Variants in TAF1C observed in about 807,000 individuals in gnomAD.
TAF1C encodes the protein TATA-box binding protein associated factor, RNA polymerase I subunit C.
A neutral mutation model predicts 70.5 loss-of-function variants in TAF1C; 79 were observed. The observed-to-expected ratio is 1.12, with a 90% confidence interval of 0.93 to 1.35. TAF1C has a LOEUF of 1.35. Among genes scored for constraint, TAF1C ranks in the 40% most tolerant of loss-of-function variants. The probability of loss-of-function intolerance (pLI) is 0.00; values close to 1 mark genes in which losing one functional copy is unlikely to be tolerated. For missense variants in TAF1C, 1,412 were observed against 1,127.8 expected, an observed-to-expected ratio of 1.25 and a Z score of -3.61; for synonymous variants, 614 against 491.1, an observed-to-expected ratio of 1.25 and a Z score of -3.31.
Position 84,183,447 on chromosome 16 carries a change from C to T in TAF1C, c.281G>A (p.Arg94Gln), listed in dbSNP as rs547319758. The T allele has an allele frequency of 2.7e-5, 44 of 1,612,282 alleles. No individual in the cohort carries two copies. In the Admixed American group the frequency reaches 4.3e-4, roughly 16 times the overall value. Reference protein sequence around the residue: ...DLLFRGGCRYRKRPRVVLDVT... With the variant: ...DLLFRGGCRYQKRPRVVLDVT... Reference sequence around the variant, plus strand: ...ATCCAGCACGACTCGGGGCCGCTTCCGATACCGGCACCCTCCGCGGAAAAG... The same window carrying T: ...ATCCAGCACGACTCGGGGCCGCTTCTGATACCGGCACCCTCCGCGGAAAAG... The change falls in exon 4 of 15, where the codon CGG (arginine) becomes CAG (glutamine). Residue 94 changes from arginine (R) to glutamine (Q), a missense_variant. Coordinates refer to ENST00000566732, the MANE Select transcript of TAF1C (RefSeq NM_001243156.2).
Position 84,179,635 on chromosome 16 carries a change from C to T in TAF1C, c.1838G>A (p.Trp613Ter), listed in dbSNP as rs775287941. 7 of 1,612,524 alleles carry T rather than the reference C, an allele frequency of 4.3e-6. No individual in the cohort carries two copies. The highest frequency in any genetic ancestry group is 5.9e-6 in the Non-Finnish European group (7 of 1,179,878). The change falls in exon 15 of 15, where the codon TGG becomes TAG. Residue 613 changes from tryptophan (W) to a stop codon, truncating the protein, a stop_gained. Coordinates refer to ENST00000566732, the MANE Select transcript of TAF1C (RefSeq NM_001243156.2). LOFTEE classifies it low-confidence loss of function (END_TRUNC). ...TSQDTAGCSQ[W>*]LKALLKVPLA... The stretch of plus-strand genomic sequence containing the variant: ...GGGCACTTTTAGCAGGGCCTTCAGC[C>T]ACTGGCTGCAGCCGGCAGTGTCCTG...
At chr16:84,186,840 C>T (rs554984535) in intron 1 of TAF1C, 61 bp downstream of exon 1, 1 of 152,280 alleles carries the variant, frequency 6.6e-6, no homozygotes, top group Admixed American at 6.5e-5. Flanking sequence ...CCTCCTACAT[C>T]TGCGGGTCCG....
At chr16:84,185,145 G>T in intron 1 of TAF1C, 85 bp from the exon 2 acceptor site, 2 of 876,114 alleles carry the variant, frequency 2.3e-6, no homozygotes, top group Non-Finnish European at 3.4e-6. Flanking sequence ...CCAAGGCCAA[G>T]CAGTAGTGAG....
chr16:84,178,828 C>T lies in TAF1C; in HGVS notation c.*113G>A. ...ATTGCTTGGCTCATCATCACAGTGG[C>T]CTCCAGAAGGTGGCGAGCTCTGCTT... is the stretch of plus-strand genomic sequence containing the variant. On this transcript the variant is annotated 3_prime_UTR_variant, in exon 15 of 15. Coordinates refer to ENST00000566732, the MANE Select transcript of TAF1C (RefSeq NM_001243156.2). The T allele has an allele frequency of 8.3e-7, 1 of 1,208,320 alleles. No homozygotes were observed. The allele number at this position is 1,208,320 out of a possible 1,614,324, so 74.8% of individuals were successfully genotyped here. A position where few individuals can be genotyped will look rare whatever the true frequency, so the allele number is the denominator to read the frequency against.
At position 84,179,935 on chromosome 16, in the gene TAF1C, A is replaced by AC. The variant is rs3217259; in HGVS notation, c.1621+10dup. 568,152 of 1,611,178 alleles carry AC rather than the reference A, an allele frequency of 0.35. 103,368 individuals are homozygous for AC. Among genetic ancestry groups the AC allele is most frequent in the Admixed American group, 0.46 (27,507 of 59,774 alleles). ...CTGCGCCCCCCAAGCTCACTCCCCC[A>AC]CCCAGCACACCTATGGTCGGTGCTT... On this transcript the variant is annotated intron_variant, in intron 14 of 14. Coordinates refer to ENST00000566732, the MANE Select transcript of TAF1C (RefSeq NM_001243156.2).
chr16:84,184,165 T>G lies in TAF1C; in HGVS notation c.139-387A>C, dbSNP rs4150133. ...AGCCCGGCAGGCGGCTCCACCTCCC[T>G]TTGCTGGGCTGGCCTGGGATGTTTC... On this transcript the variant is annotated intron_variant, in intron 2 of 14. Transcript: ENST00000566732. Among the ~76,000 whole-genome samples the G allele has an allele frequency of 1.6e-3, 241 of 152,278 alleles. 3 individuals carry two copies. The East Asian group carries it at 0.045, about 28-fold the overall frequency.
At chr16:84,180,988 G>C in intron 12 of TAF1C, 55 bp downstream of exon 12, 1 of 1,548,974 alleles carries the variant, frequency 6.5e-7, no homozygotes, top group Non-Finnish European at 8.8e-7. Context: ...GCAGCCTCTA[G>C]TGACCATCTG....
chr16:84,183,692 C>G lies in TAF1C; in HGVS notation c.220+5G>C, dbSNP rs760540003. ...GGAGTGAGCCCGGGGGAATGAGACC[C>G]TTACCGATGAGGGGAGGCAGCATGG... On this transcript the variant is annotated splice_donor_5th_base_variant and intron_variant, in intron 3 of 14. Transcript: ENST00000566732. 6.2e-7 allele frequency: 1 copy of G among 1,610,380 alleles called. No individual in the cohort carries two copies. Among genetic ancestry groups the G allele is most frequent in the South Asian group, 1.1e-5 (1 of 90,718 alleles).
At chr16:84,181,285 C>A in intron 11 of TAF1C, 43 bp downstream of exon 11, 1 of 1,607,564 alleles carries the variant, frequency 6.2e-7, no homozygotes, top group Non-Finnish European at 8.5e-7. Context: ...CGCTCTGCGG[C>A]CGCTCCCGCA....
At chr16:84,184,316 T>C (rs992154479) in intron 2 of TAF1C, among the ~76,000 whole-genome samples, 5 of 152,174 alleles carry the variant, frequency 3.3e-5, no homozygotes, top group South Asian at 4.1e-4. Flanking sequence ...TCTGCTCCAC[T>C]GTCTCTCTTT....
rs746210515 is a variant in TAF1C at position 84,183,657 on chromosome 16, G to A, written c.220+40C>T. 1.2e-5 allele frequency: 19 copies of A among 1,580,338 alleles called. No homozygotes were observed. The East Asian group carries it at 3.4e-4, about 28-fold the overall frequency. Reference sequence around the variant, plus strand: ...AGCGGGAGCAGTGGGAAGAATAGGTGGAGCAGTGTGGAGTGAGCCCGGGGG... The same window carrying A: ...AGCGGGAGCAGTGGGAAGAATAGGTAGAGCAGTGTGGAGTGAGCCCGGGGG... On this transcript the variant is annotated intron_variant, in intron 3 of 14. Transcript: ENST00000566732.
chr16:84,181,227 G>A, intron 11 of TAF1C, 41 bp from the exon 12 acceptor site: 2 of 1,594,594 alleles, frequency 1.3e-6, no homozygotes, highest in Non-Finnish European at 1.7e-6. Flanking sequence ...CACAGTCCCA[G>A]GCCGGTGACG....
chr16:84,181,727 C>T lies in TAF1C; in HGVS notation c.956+19G>A, dbSNP rs770924089. On this transcript the variant is annotated intron_variant, in intron 9 of 14. Transcript: ENST00000566732. ...CCTGCCTCCAGCCCCTCCTCACCGA[C>T]CAACCTGACCCCCCTCACCTGAGGC... The T allele has an allele frequency of 1.9e-6, 3 of 1,613,712 alleles. No individual in the cohort carries two copies. The highest frequency in any genetic ancestry group is 2.2e-5 in the South Asian group (2 of 91,078).
At chr16:84,184,724 C>T in intron 2 of TAF1C, 127 bp downstream of exon 2, 3 of 1,242,326 alleles carry the variant, frequency 2.4e-6, no homozygotes, top group Non-Finnish European at 3.3e-6. Flanking sequence ...GTGGCAGAGC[C>T]TGTGTCTCAG....
At position 84,178,496 on chromosome 16, in the gene TAF1C, C is replaced by T. The variant is rs763165759; in HGVS notation, c.*445G>A. ...AGCAACCCACAACAGCAGCTGCCAA[C>T]GGCCGCTGTGCCCACCTCATCAGCA... On this transcript the variant is annotated 3_prime_UTR_variant, in exon 15 of 15. Transcript: ENST00000566732. The T allele has an allele frequency of 6.5e-6, 3 of 460,944 alleles. No homozygotes were observed. Among genetic ancestry groups the T allele is most frequent in the Admixed American group, 2.3e-5 (1 of 42,686 alleles). 28.6% of individuals were successfully genotyped at this position (460,944 alleles called of 1,614,324 possible).
rs2089187878 is a variant in TAF1C, at chr16:84,181,478, C to G, written c.1029-15G>C. The G allele has an allele frequency of 3.1e-6, 5 of 1,613,550 alleles. No individual in the cohort carries two copies. Among genetic ancestry groups the G allele is most frequent in the Non-Finnish European group, 3.4e-6 (4 of 1,179,914 alleles). ...TTTGCCGCAGCCTTGGGGAGACAGG[C>G]AAGCCGTGGGCAGGGGGACAGGCTG... On this transcript the variant is annotated splice_polypyrimidine_tract_variant and intron_variant, in intron 10 of 14. Coordinates refer to ENST00000566732, the MANE Select transcript of TAF1C (RefSeq NM_001243156.2).
chr16:84,178,013 A>C lies in TAF1C; in HGVS notation c.*928T>G. On this transcript the variant is annotated 3_prime_UTR_variant, in exon 15 of 15. Transcript: ENST00000566732. ...CCTGAAAAAAGACCTTTCTCTTACT[A>C]TGTCATCAGAAACCAGACAGACCCG... 1 of 648,904 alleles carries C rather than the reference A, an allele frequency of 1.5e-6. No individual in the cohort carries two copies. The highest frequency in any genetic ancestry group is 2.8e-6 in the Non-Finnish European group (1 of 357,160). The allele number at this position is 648,904 out of a possible 1,614,324, so 40.2% of individuals were successfully genotyped here.
chr16:84,179,040 G>C lies in TAF1C; in HGVS notation c.2433C>G (p.His811Gln), dbSNP rs1369528635. ...TGGCCCGGACGCTGGAGGCCTGGGA[G>C]TGGGGAGGTGTGGTGGCACAGCCTG... ...DTPGCATTPP[H>Q]SQASSVRATR... The change falls in exon 15 of 15, where the codon CAC (histidine) becomes CAG (glutamine). Residue 811 changes from histidine to glutamine, a missense_variant. Transcript: ENST00000566732. 6.2e-7 allele frequency: 1 copy of C among 1,610,650 alleles called. No individual in the cohort carries two copies. The highest frequency in any genetic ancestry group is 1.3e-5 in the African/African-American group (1 of 74,940).
intron 10 of TAF1C, 46 bp downstream of exon 10, chr16:84,181,546 G>C (rs1220968494): frequency 6.2e-7 from 1 of 1,613,894 alleles, no homozygotes; most frequent in Non-Finnish European, 8.5e-7. Context: ...CAACAGGGCG[G>C]AGTTCAGTTC....
Sources: gnomAD v4.1 joint callset for allele counts (sites outside exome capture counted in the v4.1 genomes callset) on GRCh38, gnomAD v4.1.1 for gene constraint, MANE v1.5 for transcripts, NCBI Gene and HGNC (gene_info 2026-07-23, HGNC 2026-07-21) for gene names.